Variants in DAAM1 observed in about 807,000 individuals in gnomAD.
The protein encoded by DAAM1 is dishevelled associated activator of morphogenesis 1.
Under a neutral mutation model 130.0 loss-of-function variants are expected in DAAM1, and 52 were observed. The observed-to-expected ratio is 0.40, with a 90% CI of 0.32 to 0.50. The LOEUF is 0.50. DAAM1 is among the 20% of genes least tolerant of loss of function. The probability of loss-of-function intolerance (pLI) is 0.61; values close to 1 mark genes in which losing one functional copy is unlikely to be tolerated. For synonymous variants in DAAM1, 452 were observed against 444.5 expected (o/e 1.02, Z -0.21); for missense variants, 1,134 against 1,303.8 (o/e 0.87, Z 2.01).
chr14:59,345,390 T>C (rs936553543), intron 16 of DAAM1, among the ~76,000 whole-genome samples: 4 of 152,202 alleles, frequency 2.6e-5, no homozygotes, highest in Non-Finnish European at 4.4e-5. Context: ...ACGGGCCTTA[T>C]TTGTCAGCTT....
chr14:59,289,784 A>ATATATATATATACAC, intron 2 of DAAM1, among the ~76,000 whole-genome samples: 1 of 128,758 alleles, frequency 7.8e-6, no homozygotes, highest in African/African-American at 2.9e-5. Flanking sequence ...ATATATATAT[A>ATATATATATATACAC]ATGGAATGCT....
intron 3 of DAAM1, among the ~76,000 whole-genome samples, chr14:59,314,089 T>C (rs1230015427): frequency 1.3e-5 from 2 of 152,246 alleles, no homozygotes; most frequent in Non-Finnish European, 2.9e-5. Context: ...AAGATTTGCT[T>C]ACAGAAAGTG....
intron 14 of DAAM1, 58 bp from the exon 15 acceptor site, chr14:59,331,755 C>G (rs2146012): frequency 0.85 from 1,313,963 of 1,552,872 alleles, 557,046 homozygotes; most frequent in East Asian, 1. Flanking sequence ...AAATAACCAT[C>G]CCTGTTCTTT....
At chr14:59,228,160 T>C (rs1267311669) in intron 1 of DAAM1, among the ~76,000 whole-genome samples, 1 of 152,156 alleles carries the variant, frequency 6.6e-6, no homozygotes, top group Non-Finnish European at 1.5e-5. Context: ...AATAATGAAA[T>C]CTTTTAAATT....
chr14:59,202,213 C>A (rs1192681560), intron 1 of DAAM1, among the ~76,000 whole-genome samples: 1 of 152,208 alleles, frequency 6.6e-6, no homozygotes, highest in African/African-American at 2.4e-5. Context: ...GTGAGACCCT[C>A]CTCTGGCGTC....
At chr14:59,192,022 G>C (rs1887745235) in intron 1 of DAAM1, among the ~76,000 whole-genome samples, 1 of 152,116 alleles carries the variant, frequency 6.6e-6, no homozygotes, top group Non-Finnish European at 1.5e-5. Flanking sequence ...TTAGTGAGGA[G>C]GTGTGATAAT....
chr14:59,254,723 T>C (rs1328136393), intron 1 of DAAM1, among the ~76,000 whole-genome samples: 1 of 152,198 alleles, frequency 6.6e-6, no homozygotes, highest in Non-Finnish European at 1.5e-5. Flanking sequence ...ACAAACTTCC[T>C]AACTCGAGAA....
rs1187112029 is a variant in DAAM1 at position 59,354,687 on chromosome 14, C to T, written c.2357-478C>T. 3.9e-5 allele frequency among the ~76,000 whole-genome samples: 6 copies of T among 152,324 alleles called. No individual in the cohort carries two copies. In the East Asian group the frequency reaches 5.8e-4, roughly 15 times the overall value. On this transcript the variant is annotated intron_variant, in intron 19 of 24. Coordinates refer to ENST00000360909, the MANE Select transcript of DAAM1 (RefSeq NM_001270520.2). ...GCAAGGCAACTGAAGAGCACAGCCACGGAACGCAGGCTGGAATCAGGCATC... is the reference window on the plus strand; with the variant it reads ...GCAAGGCAACTGAAGAGCACAGCCATGGAACGCAGGCTGGAATCAGGCATC...
intron 1 of DAAM1, among the ~76,000 whole-genome samples, chr14:59,216,691 G>A (rs896861771): frequency 3.0e-4 from 46 of 152,028 alleles, no homozygotes; most frequent in African/African-American, 1.1e-3. Context: ...CTACACTCCA[G>A]CCTGAGGGAG....
intron 1 of DAAM1, among the ~76,000 whole-genome samples, chr14:59,197,667 T>A (rs1170447856): frequency 6.6e-6 from 1 of 152,262 alleles, no homozygotes; most frequent in Admixed American, 6.5e-5. Flanking sequence ...AAAATGTTTT[T>A]AAAAATGTAT....
At chr14:59,314,717 C>T (rs1300247768) in intron 3 of DAAM1, among the ~76,000 whole-genome samples, 1 of 152,224 alleles carries the variant, frequency 6.6e-6, no homozygotes, top group Non-Finnish European at 1.5e-5. Flanking sequence ...GCGCCTGGAA[C>T]TAATGTGAGT....
intron 1 of DAAM1, among the ~76,000 whole-genome samples, chr14:59,240,829 C>T (rs1447741413): frequency 2.0e-5 from 3 of 152,226 alleles, no homozygotes; most frequent in Non-Finnish European, 2.9e-5. Flanking sequence ...AAGCCAATGC[C>T]ATGTGTCCAT....
At chr14:59,327,923 A>G (rs1400567518) in intron 12 of DAAM1, among the ~76,000 whole-genome samples, 1 of 152,246 alleles carries the variant, frequency 6.6e-6, no homozygotes. Context: ...CCAGCCATAC[A>G]GAGAAATGTA....
intron 19 of DAAM1, among the ~76,000 whole-genome samples, chr14:59,354,679 C>G (rs1366894538): frequency 1.3e-5 from 2 of 152,206 alleles, no homozygotes; most frequent in African/African-American, 2.4e-5. Context: ...AACTGAAGAG[C>G]ACAGCCACGG....
chr14:59,367,984 C>T (rs986395861), intron 24 of DAAM1, among the ~76,000 whole-genome samples: 11 of 152,004 alleles, frequency 7.2e-5, no homozygotes, highest in African/African-American at 2.7e-4. Flanking sequence ...TTATGCAGTC[C>T]TTGAAAGACA....
chr14:59,287,844 G>C (rs1420225820), intron 2 of DAAM1, among the ~76,000 whole-genome samples: 1 of 152,082 alleles, frequency 6.6e-6, no homozygotes, highest in Non-Finnish European at 1.5e-5. Context: ...TGACCATACT[G>C]CCCAAAGCAA....
intron 1 of DAAM1, among the ~76,000 whole-genome samples, chr14:59,242,858 G>A (rs1188359192): frequency 2.0e-5 from 3 of 152,082 alleles, no homozygotes; most frequent in African/African-American, 7.2e-5. Flanking sequence ...CCAGCCGCTG[G>A]GTACTATTAT....
intron 1 of DAAM1, among the ~76,000 whole-genome samples, chr14:59,189,790 C>G (rs530088831): frequency 3.5e-4 from 54 of 152,252 alleles, no homozygotes; most frequent in African/African-American, 1.2e-3. Flanking sequence ...TTCATTTGTT[C>G]GTTTACTCAT....
At chr14:59,281,556 A>T (rs1184422426) in intron 2 of DAAM1, among the ~76,000 whole-genome samples, 1 of 149,582 alleles carries the variant, frequency 6.7e-6, no homozygotes, top group Non-Finnish European at 1.5e-5. Context: ...GGAGGAGGGG[A>T]GGTGGGAAGG....
Sources: allele counts gnomAD v4.1 joint callset (sites outside exome capture counted in the v4.1 genomes callset), GRCh38; gene constraint gnomAD v4.1.1; transcripts MANE v1.5; gene names NCBI Gene and HGNC (gene_info 2026-07-23, HGNC 2026-07-21).